The following FREM1 variants were observed in gnomAD, a reference collection of about 807,000 sequenced individuals.
FREM1 encodes FRAS1-related extracellular matrix protein 1.
A neutral mutation model predicts 210.1 loss-of-function variants in FREM1; 220 were observed. The ratio of observed to expected loss-of-function variants is 1.05; its 90% CI spans 0.94 to 1.17. The LOEUF (loss-of-function observed/expected upper bound fraction) is 1.17, where lower values mean the gene tolerates loss of function less well. Ranked by LOEUF, FREM1 falls within the 50% of genes most tolerant of loss-of-function variation. The pLI, the probability that FREM1 is intolerant of heterozygous loss-of-function variation, is 0.00. For missense variants in FREM1, 3,454 were observed against 2,675.5 expected (o/e 1.29, Z -6.42); for synonymous variants, 1,189 against 980.2 (o/e 1.21, Z -3.98).
intron 1 of FREM1, among the ~76,000 whole-genome samples, chr9:14,879,593 G>T (rs1287275574): frequency 6.6e-6 from 1 of 152,214 alleles, no homozygotes; most frequent in African/African-American, 2.4e-5. Flanking sequence ...TCAAGAAGGG[G>T]ATGGTTAAAT....
intron 1 of FREM1, among the ~76,000 whole-genome samples, chr9:14,873,105 A>G (rs1053536067): frequency 3.9e-5 from 6 of 152,178 alleles, no homozygotes; most frequent in Non-Finnish European, 7.3e-5. Context: ...ATCAATGTTC[A>G]TCAAGGATAT....
At chr9:14,756,569 G>T in intron 28 of FREM1, 123 bp from the exon 29 acceptor site, 1 of 644,886 alleles carries the variant, frequency 1.6e-6, no homozygotes, top group Non-Finnish European at 2.5e-6. Context: ...ATTAGGTAGG[G>T]TTTTTAAAAA....
chr9:14,772,908 G>A (rs1847841048), intron 25 of FREM1, among the ~76,000 whole-genome samples: 1 of 152,140 alleles, frequency 6.6e-6, no homozygotes, highest in South Asian at 2.1e-4. Context: ...AAAAATGAAA[G>A]TGTTACAAAA....
At chr9:14,842,086 C>A (rs1012659969) in intron 9 of FREM1, among the ~76,000 whole-genome samples, 2 of 152,196 alleles carry the variant, frequency 1.3e-5, no homozygotes, top group African/African-American at 4.8e-5. Context: ...CTTTGAGGCT[C>A]AGCTCTGGAA....
At chr9:14,773,605 A>G (rs1426269501) in intron 25 of FREM1, among the ~76,000 whole-genome samples, 1 of 143,560 alleles carries the variant, frequency 7.0e-6, no homozygotes, top group African/African-American at 2.6e-5. Flanking sequence ...ACACGTAATG[A>G]TTTTTTTTTT....
intron 1 of FREM1, among the ~76,000 whole-genome samples, chr9:14,893,874 A>T (rs1837275128): frequency 6.6e-6 from 1 of 152,214 alleles, no homozygotes; most frequent in Non-Finnish European, 1.5e-5. Context: ...GTGTGTGTGA[A>T]CATATTGGCT....
At chr9:14,822,043 G>C (rs1821451091) in intron 13 of FREM1, among the ~76,000 whole-genome samples, 1 of 152,094 alleles carries the variant, frequency 6.6e-6, no homozygotes, top group Non-Finnish European at 1.5e-5. Context: ...TATTCTCATG[G>C]TAGTGAATAC....
At chr9:14,846,225 T>C in intron 7 of FREM1, 134 bp from the exon 8 acceptor site, 1 of 649,430 alleles carries the variant, frequency 1.5e-6, no homozygotes, top group Non-Finnish European at 2.5e-6. Context: ...TGGATGAAAC[T>C]GGAAACCATC....
chr9:14,817,068 C>A (rs1820438464), intron 14 of FREM1, among the ~76,000 whole-genome samples, 197 bp from the exon 15 acceptor site: 1 of 152,186 alleles, frequency 6.6e-6, no homozygotes, highest in South Asian at 2.1e-4. Context: ...TGTAAAATTG[C>A]TCCACCCTGG....
rs1563969246 is a variant in FREM1, at chr9:14,804,947, GT to G, written c.3471+8del. 1.3e-6 allele frequency: 2 copies of G among 1,588,758 alleles called. No individual in the cohort carries two copies. The highest frequency in any genetic ancestry group is 4.5e-5 in the East Asian group (2 of 44,734). The stretch of plus-strand genomic sequence containing the variant: ...AAAGAGAAATGGAACATTTGGATAT[GT>G]TTCTTACAGTAATATTCTGCACTAC... On this transcript the variant is annotated splice_region_variant and intron_variant, in intron 19 of 36. Transcript: ENST00000380880.
At chr9:14,875,067 A>G (rs767124278) in intron 1 of FREM1, among the ~76,000 whole-genome samples, 1 of 152,118 alleles carries the variant, frequency 6.6e-6, no homozygotes, top group African/African-American at 2.4e-5. Flanking sequence ...CCCTTTGTGG[A>G]TAACCCGACC....
chr9:14,808,986 G>T (rs988168103), intron 16 of FREM1, among the ~76,000 whole-genome samples: 2 of 152,158 alleles, frequency 1.3e-5, no homozygotes, highest in African/African-American at 2.4e-5. Context: ...GATACGGTTT[G>T]GTTGTTCCCC....
Position 14,877,471 on chromosome 9 carries a change from C to T in FREM1, c.-267-8227G>A, listed in dbSNP as rs948163887. ...TTATGGTAGACAGATCTTAGGTGAC[C>T]CCCCAAATAATTCCAGTCTCCTAGT... On this transcript the variant is annotated intron_variant, in intron 1 of 36. Transcript: ENST00000380880. 2.3e-5 allele frequency among the ~76,000 whole-genome samples: 3 copies of T among 128,310 alleles called. No homozygotes were observed. The East Asian group carries it at 5.8e-4, about 25-fold the overall frequency. 84.2% of individuals were successfully genotyped at this position (128,310 alleles called of 152,430 possible).
intron 3 of FREM1, among the ~76,000 whole-genome samples, chr9:14,860,862 CACAT>C (rs1287800272): frequency 0.017 from 823 of 49,776 alleles, 86 homozygotes; most frequent in African/African-American, 0.028. Flanking sequence ...CGTATATATA[CACAT>C]ATATATACGT....
chr9:14,893,727 T>TA, intron 1 of FREM1, among the ~76,000 whole-genome samples: 1 of 152,340 alleles, frequency 6.6e-6, no homozygotes, highest in East Asian at 1.9e-4. Context: ...GTGTTTTTGG[T>TA]AAAAGACTAT....
intron 35 of FREM1, among the ~76,000 whole-genome samples, chr9:14,741,584 C>T (rs142280630): frequency 9.8e-5 from 15 of 152,300 alleles, no homozygotes; most frequent in African/African-American, 3.6e-4. Flanking sequence ...AACACGCTCA[C>T]TCTAAAGCGC....
At chr9:14,851,635 G>C (rs746543271) in intron 5 of FREM1, 28 bp from the exon 6 acceptor site, 3 of 1,511,754 alleles carry the variant, frequency 2.0e-6, no homozygotes, top group Non-Finnish European at 1.8e-6. Flanking sequence ...AAATATAAAG[G>C]AGGAAATAAT....
At chr9:14,739,009 C>CAAAAAAAAAAAAAAAAA in intron 36 of FREM1, among the ~76,000 whole-genome samples, 1 of 87,770 alleles carries the variant, frequency 1.1e-5, no homozygotes, top group African/African-American at 4.8e-5. Flanking sequence ...GATTCTGTCT[C>CAAAAAAAAAAAAAAAAA]AAAAAAAAAA....
At chr9:14,851,810 T>C (rs1010972268) in intron 5 of FREM1, among the ~76,000 whole-genome samples, 2 of 152,166 alleles carry the variant, frequency 1.3e-5, no homozygotes, top group African/African-American at 2.4e-5. Flanking sequence ...TGTTTAATTG[T>C]TCCAAAAAGG....
Sources: gnomAD v4.1 joint callset for allele counts (sites outside exome capture counted in the v4.1 genomes callset) on GRCh38, gnomAD v4.1.1 for gene constraint, MANE v1.5 for transcripts, NCBI Gene and HGNC (gene_info 2026-07-23, HGNC 2026-07-21) for gene names.